ADCK2: variants seen among roughly 807,000 people sequenced by gnomAD.
ADCK2 encodes uncharacterized aarF domain-containing protein kinase 2.
ADCK2 carries 37 observed loss-of-function variants against 52.3 expected under a neutral mutation model. The observed-to-expected ratio is 0.71, with a 90% CI of 0.54 to 0.93. The LOEUF (loss-of-function observed/expected upper bound fraction) is 0.93. Among genes scored for constraint, ADCK2 ranks in the 40% least tolerant of loss-of-function variants. ADCK2 has a pLI of 0.00. For synonymous variants in ADCK2, 321 were observed against 349.2 expected, an observed-to-expected ratio of 0.92 and a Z score of 0.90; for missense variants, 695 against 798.7, an observed-to-expected ratio of 0.87 and a Z score of 1.56.
At chr7:140,681,997 T>C (rs994043278) in intron 4 of ADCK2, among the ~76,000 whole-genome samples, 2 of 152,204 alleles carry the variant, frequency 1.3e-5, no homozygotes, top group Non-Finnish European at 2.9e-5. Context: ...TCTGCCAGCA[T>C]TGCCTGTAGT....
intron 2 of ADCK2, among the ~76,000 whole-genome samples, chr7:140,675,422 G>T (rs1166986219): frequency 6.6e-6 from 1 of 152,158 alleles, no homozygotes; most frequent in Non-Finnish European, 1.5e-5. Flanking sequence ...TGAGATGACA[G>T]AACTAAGCCA....
intron 4 of ADCK2, among the ~76,000 whole-genome samples, chr7:140,685,177 G>A (rs765560335): frequency 1.5e-4 from 23 of 152,226 alleles, no homozygotes; most frequent in Middle Eastern, 3.4e-3. Context: ...GGCCAGGCAT[G>A]GTGGCTCACT....
In ADCK2 at chr7:140,694,810, A is replaced by G. The variant is rs368468443; in HGVS notation, c.*7A>G. The G allele has an allele frequency of 3.8e-5, 62 of 1,611,024 alleles. No homozygotes were observed. The African/African-American group carries it at 6.5e-4, about 17-fold the overall frequency. On this transcript the variant is annotated 3_prime_UTR_variant, in exon 8 of 8. Coordinates refer to ENST00000072869, the MANE Select transcript of ADCK2 (RefSeq NM_052853.4). Reference sequence around the variant, plus strand: ...CCCAGTGTGCCCCCCGTGATGGGGCAGTGGCCTCTGTGGGCCCTTGTCAAG... The same window carrying G: ...CCCAGTGTGCCCCCCGTGATGGGGCGGTGGCCTCTGTGGGCCCTTGTCAAG...
At position 140,673,763 on chromosome 7, in the gene ADCK2, T is replaced by C; in HGVS notation, c.433T>C (p.Tyr145His). 1 of 1,613,144 alleles carries C rather than the reference T, an allele frequency of 6.2e-7. No individual in the cohort carries two copies. The highest frequency in any genetic ancestry group is 8.5e-7 in the Non-Finnish European group (1 of 1,179,938). ...AGCCACCGAGACCTCAGGCCCAACC[T>C]ACATCAAACTGGGCCAGTGGGCCAG... is the stretch of plus-strand genomic sequence containing the variant. Reference protein sequence around the residue: ...LKATETSGPTYIKLGQWASTR... With the variant: ...LKATETSGPTHIKLGQWASTR... Residue 145 changes from tyrosine to histidine, a missense_variant, in exon 1 of 8, where the codon TAC becomes CAC. Tyr to His is a moderately conservative substitution (Grantham distance 83). Transcript: ENST00000072869. This position sits in a 1 kb window ranked among gnomAD's most constrained non-coding sequence, Gnocchi z 6.4.
chr7:140,689,570 A>G (rs766881830), intron 5 of ADCK2, 27 bp from the exon 6 acceptor site: 12 of 1,578,126 alleles, frequency 7.6e-6, no homozygotes, highest in South Asian at 1.1e-5. Flanking sequence ...GCTCCACTCC[A>G]AGTCCCTTTT....
rs555140418 is a variant in ADCK2 at position 140,682,407 on chromosome 7, C to G, written c.1305+1270C>G. Among the ~76,000 whole-genome samples the G allele has an allele frequency of 3.0e-4, 46 of 151,996 alleles. 1 individual carries two copies. In the South Asian group the frequency reaches 6.2e-3, roughly 21 times the overall value. Reference sequence around the variant, plus strand: ...CTACTGCATGGTGCTCTTGGAGAGACGAAAGCACTTAGTATGGCTTGGAAG... The same window carrying G: ...CTACTGCATGGTGCTCTTGGAGAGAGGAAAGCACTTAGTATGGCTTGGAAG... On this transcript the variant is annotated intron_variant, in intron 4 of 7. Transcript: ENST00000072869.
At chr7:140,690,714 C>A in intron 6 of ADCK2, 46 bp from the exon 7 acceptor site, 1 of 1,593,258 alleles carries the variant, frequency 6.3e-7, no homozygotes, top group Non-Finnish European at 8.6e-7. Context: ...ATGAGCGGTT[C>A]TGGAAGGCTC....
intron 3 of ADCK2, among the ~76,000 whole-genome samples, chr7:140,679,968 C>T (rs897711929): frequency 2.0e-5 from 3 of 152,076 alleles, no homozygotes; most frequent in Non-Finnish European, 4.4e-5. Context: ...GCCACTGCAC[C>T]CAGCCCAGCC....
rs957025823 is a variant in ADCK2, at chr7:140,678,442, G to C, written c.1081-713G>C. Reference sequence around the variant, plus strand: ...TGCTGTCAGAGGAGGCGCCGGCTGAGGGCTTGGTGGCTGTCAAGGGGACAC... The same window carrying C: ...TGCTGTCAGAGGAGGCGCCGGCTGACGGCTTGGTGGCTGTCAAGGGGACAC... On this transcript the variant is annotated intron_variant, in intron 2 of 7. Transcript: ENST00000072869. This position sits in a 1 kb window ranked among gnomAD's most constrained non-coding sequence, Gnocchi z 4.9. Among the ~76,000 whole-genome samples, 1 of 152,140 alleles carries C rather than the reference G, an allele frequency of 6.6e-6. No individual in the cohort carries two copies. Among genetic ancestry groups the C allele is most frequent in the African/African-American group, 2.4e-5 (1 of 41,434 alleles).
Position 140,687,007 on chromosome 7 carries a change from T to A in ADCK2, c.1323T>A (p.Phe441Leu). The A allele has an allele frequency of 6.2e-7, 1 of 1,613,560 alleles. No individual in the cohort carries two copies. Among genetic ancestry groups the A allele is most frequent in the Non-Finnish European group, 8.5e-7 (1 of 1,179,504 alleles). ...CCTTCCAGATATTTGTGGATAACTTTGTCCATGCAGACCTTCACCCTGGAA... is the reference window on the plus strand; with the variant it reads ...CCTTCCAGATATTTGTGGATAACTTAGTCCATGCAGACCTTCACCCTGGAA... ...MLLKMIFVDNFVHADLHPGNI... is the reference protein window; with the variant it reads ...MLLKMIFVDNLVHADLHPGNI... Residue 441 changes from phenylalanine to leucine, a missense_variant, in exon 5 of 8, where the codon TTT (phenylalanine) becomes TTA (leucine). Physicochemically the swap from Phe to Leu is conservative, Grantham distance 22 (BLOSUM62 0). Coordinates refer to ENST00000072869, the MANE Select transcript of ADCK2 (RefSeq NM_052853.4).
At position 140,674,448 on chromosome 7, in the gene ADCK2, T is replaced by C; in HGVS notation, c.934-163T>C. 3 of 1,118,970 alleles carry C rather than the reference T, an allele frequency of 2.7e-6. No homozygotes were observed. Among genetic ancestry groups the C allele is most frequent in the Non-Finnish European group, 3.7e-6 (3 of 808,676 alleles). The allele number at this position is 1,118,970 out of a possible 1,614,324, so 69.3% of individuals were successfully genotyped here. A position where few individuals can be genotyped will look rare whatever the true frequency, so the allele number is the denominator to read the frequency against. On this transcript the variant is annotated intron_variant, in intron 1 of 7. Coordinates refer to ENST00000072869, the MANE Select transcript of ADCK2 (RefSeq NM_052853.4). This position sits in a 1 kb window ranked among gnomAD's most constrained non-coding sequence, Gnocchi z 4.6. ...GTGTGAATAGTCTGATAGAGGAAAA[T>C]GAACTGAGTCTGGAGTGAACTAACT...
chr7:140,685,684 A>G (rs1383395406), intron 4 of ADCK2, among the ~76,000 whole-genome samples: 2 of 152,026 alleles, frequency 1.3e-5, no homozygotes, highest in Non-Finnish European at 2.9e-5. Flanking sequence ...GATGGGGTCT[A>G]TGGCCTGGAT....
intron 4 of ADCK2, among the ~76,000 whole-genome samples, chr7:140,684,680 G>A (rs1264418865): frequency 6.6e-6 from 1 of 152,164 alleles, no homozygotes; most frequent in Non-Finnish European, 1.5e-5. Flanking sequence ...CAGAGCAGGT[G>A]GAGTCCTGCA....
intron 6 of ADCK2, among the ~76,000 whole-genome samples, 190 bp from the exon 7 acceptor site, chr7:140,690,570 G>A (rs538791460): frequency 3.3e-5 from 5 of 152,142 alleles, no homozygotes; most frequent in East Asian, 3.9e-4. Context: ...GAGTCTTGAG[G>A]TGGAGTTGGG....
intron 5 of ADCK2, among the ~76,000 whole-genome samples, chr7:140,689,060 C>T (rs1268315878): frequency 2.0e-5 from 3 of 151,946 alleles, no homozygotes; most frequent in African/African-American, 7.2e-5. Flanking sequence ...CTCTACCTCC[C>T]GGGTTCAAGT....
Position 140,689,725 on chromosome 7 carries a change from G to C in ADCK2, c.1686G>C (p.Lys562Asn). 6.2e-7 allele frequency: 1 copy of C among 1,610,284 alleles called. No individual in the cohort carries two copies. Among genetic ancestry groups the C allele is most frequent in the Non-Finnish European group, 8.5e-7 (1 of 1,177,754 alleles). ...GGAAGAACACCATCACCCTGGAGAA[G>C]GTGGGCAGGTCACTTGCGGAACAGG... is the stretch of plus-strand genomic sequence containing the variant. ...QARKNTITLEKLHVSSLLSSV... is the reference protein window; with the variant it reads ...QARKNTITLENLHVSSLLSSV... The change falls in exon 6 of 8, where the codon AAG (lysine) becomes AAC (asparagine). Residue 562 changes from lysine to asparagine, a missense_variant and splice_region_variant. Coordinates refer to ENST00000072869, the MANE Select transcript of ADCK2 (RefSeq NM_052853.4).
rs531392135 is a variant in ADCK2 at position 140,694,693 on chromosome 7, G to A, written c.1771G>A (p.Val591Met). Residue 591 changes from valine (V) to methionine (M), a missense_variant, in exon 8 of 8, where the codon GTG becomes ATG. Transcript: ENST00000072869. ...GCTTGAGAGCAACTTTGCCTCCATT[G>A]TGTTTGCCATCATGGTGTTGGAGGG... ...VKLESNFASI[V>M]FAIMVLEGLG... 6.2e-7 allele frequency: 1 copy of A among 1,614,084 alleles called. No homozygotes were observed. The highest frequency in any genetic ancestry group is 1.1e-5 in the South Asian group (1 of 91,042).
intron 6 of ADCK2, 84 bp from the exon 7 acceptor site, chr7:140,690,676 G>A (rs1794688749): frequency 3.1e-6 from 4 of 1,301,008 alleles, no homozygotes; most frequent in East Asian, 2.4e-5. Flanking sequence ...GTGGGATGCT[G>A]GGGCTGAGAG....
chr7:140,690,548 G>A (rs1202548455), intron 6 of ADCK2, among the ~76,000 whole-genome samples: 2 of 152,058 alleles, frequency 1.3e-5, no homozygotes, highest in African/African-American at 4.8e-5. Flanking sequence ...TCTTCCAAAG[G>A]CCTCTGTGAC....
Sources: allele counts gnomAD v4.1 joint callset (sites outside exome capture counted in the v4.1 genomes callset), GRCh38; gene constraint gnomAD v4.1.1; non-coding constraint Gnocchi (gnomAD v3.1); transcripts MANE v1.5; gene names NCBI Gene and HGNC (gene_info 2026-07-23, HGNC 2026-07-21).